The following KIAA1191 variants were observed in gnomAD, a reference collection of about 807,000 sequenced individuals.
KIAA1191 encodes KIAA1191.
Under a neutral mutation model 31.1 loss-of-function variants are expected in KIAA1191, and 22 were observed. The observed-to-expected ratio is 0.71, with a 90% CI of 0.51 to 1.01. The LOEUF is 1.01. KIAA1191 is among the 50% of genes least tolerant of loss of function. The pLI, the probability that KIAA1191 is intolerant of heterozygous loss-of-function variation, is 0.00. For missense variants in KIAA1191, 319 were observed against 388.0 expected (o/e 0.82, Z 1.49); for synonymous variants, 130 against 143.9 (o/e 0.90, Z 0.69).
Position 176,346,623 on chromosome 5 carries a change from A to G in KIAA1191, c.*977T>C, listed in dbSNP as rs1766528457. ...TTTAAAGTGCAAGAAAGGCTCTGCT[A>G]GAGTAGTGTTTGTTCTGTGGCATAG... On this transcript the variant is annotated 3_prime_UTR_variant, in exon 9 of 9. Coordinates refer to ENST00000298569, the MANE Select transcript of KIAA1191 (RefSeq NM_020444.5). 6.6e-6 allele frequency: 1 copy of G among 152,286 alleles called. No individual in the cohort carries two copies. Among genetic ancestry groups the G allele is most frequent in the South Asian group, 2.1e-4 (1 of 4,836 alleles). The allele number at this position is 152,286 out of a possible 1,614,324, so 9.4% of individuals were successfully genotyped here.
chr5:176,353,188 G>A (rs1767193437), intron 4 of KIAA1191: 1 of 154,326 alleles, frequency 6.5e-6, no homozygotes, highest in Non-Finnish European at 1.4e-5. Context: ...CCACCTCAGA[G>A]TTTGATTCAG....
intron 3 of KIAA1191, among the ~76,000 whole-genome samples, chr5:176,357,475 TC>T (rs151164915): frequency 0.021 from 3,199 of 152,310 alleles, 48 homozygotes; most frequent in Middle Eastern, 0.068. Context: ...TAAGTCTTCC[TC>T]CTTGCTAGAC....
intron 6 of KIAA1191, chr5:176,349,065 T>C (rs1766768321): frequency 1.3e-5 from 2 of 152,304 alleles, no homozygotes; most frequent in Admixed American, 1.3e-4. Flanking sequence ...AACAGATCCA[T>C]TCATGTAAGT....
At position 176,346,876 on chromosome 5, in the gene KIAA1191, AGTC is replaced by A. The variant is rs996375322; in HGVS notation, c.*721_*723del. Reference sequence around the variant, plus strand: ...CAGCACCAGTCATCAACAGGGCCAAAGTCGTCTTAGCGAGTCAGTGAGCACCTC... The same window carrying A: ...CAGCACCAGTCATCAACAGGGCCAAAGTCTTAGCGAGTCAGTGAGCACCTC... On this transcript the variant is annotated 3_prime_UTR_variant, in exon 9 of 9. Transcript: ENST00000298569. 3.5e-4 allele frequency: 53 copies of A among 152,348 alleles called. No individual in the cohort carries two copies. The highest frequency in any genetic ancestry group is 1.2e-3 in the African/African-American group (49 of 41,584). 9.4% of individuals were successfully genotyped at this position (152,348 alleles called of 1,614,324 possible).
intron 6 of KIAA1191, 81 bp from the exon 7 acceptor site, chr5:176,348,437 G>A (rs1469068700): frequency 5.8e-6 from 6 of 1,031,540 alleles, no homozygotes; most frequent in Non-Finnish European, 7.3e-6. Flanking sequence ...AAAAAATTTG[G>A]TTCGCATTCT....
chr5:176,350,848 A>G (rs1054576858), intron 5 of KIAA1191, 111 bp from the exon 6 acceptor site: 1 of 1,334,698 alleles, frequency 7.5e-7, no homozygotes, highest in Non-Finnish European at 1.0e-6. Context: ...CACACTGACC[A>G]TTCAAAGAAG....
At chr5:176,351,196 C>T (rs946029515) in intron 5 of KIAA1191, among the ~76,000 whole-genome samples, 1 of 151,638 alleles carries the variant, frequency 6.6e-6, no homozygotes, top group African/African-American at 2.4e-5. Context: ...CAAAAATTAG[C>T]TGGGTGTGGT....
At chr5:176,351,336 A>G (rs1412972017) in intron 5 of KIAA1191, among the ~76,000 whole-genome samples, 4 of 150,486 alleles carry the variant, frequency 2.7e-5, no homozygotes, top group East Asian at 2.0e-4. Flanking sequence ...GCAAGACTCC[A>G]TCTCAAAAAA....
intron 4 of KIAA1191, 96 bp from the exon 5 acceptor site, chr5:176,352,844 A>G: frequency 1.5e-6 from 2 of 1,307,206 alleles, no homozygotes; most frequent in South Asian, 3.1e-5. Context: ...CTGAAATAAC[A>G]TTAATCTGGT....
At chr5:176,359,960 G>A (rs548387107) in intron 1 of KIAA1191, 42 bp from the exon 2 acceptor site, 5 of 165,766 alleles carry the variant, frequency 3.0e-5, no homozygotes, top group African/African-American at 9.5e-5. Flanking sequence ...GCCCGTCAGA[G>A]TCTGCCAAAC....
In KIAA1191 at chr5:176,347,740, C is replaced by T; in HGVS notation, c.778G>A (p.Ala260Thr). 6.2e-7 allele frequency: 1 copy of T among 1,610,394 alleles called. No individual in the cohort carries two copies. The highest frequency in any genetic ancestry group is 8.5e-7 in the Non-Finnish European group (1 of 1,178,476). The change falls in exon 9 of 9, where the codon GCC (alanine) becomes ACC (threonine). Residue 260 changes from alanine (A) to threonine (T), a missense_variant. Coordinates refer to ENST00000298569, the MANE Select transcript of KIAA1191 (RefSeq NM_020444.5). ...PSPLELIRAQ[A>T]NRMAEDPAAL... ...GCTGGATCTTCAGCCATTCGGTTGG[C>T]CTGGGCACGTATCAGTTCCAATGGA...
intron 3 of KIAA1191, among the ~76,000 whole-genome samples, chr5:176,358,115 T>A (rs1767659494): frequency 6.6e-6 from 1 of 152,238 alleles, no homozygotes; most frequent in Admixed American, 6.5e-5. Context: ...TAGTCATCAA[T>A]GGTGTCAATA....
chr5:176,355,587 T>C lies in KIAA1191; in HGVS notation c.191A>G (p.Tyr64Cys), dbSNP rs773254769. 1.9e-6 allele frequency: 3 copies of C among 1,610,910 alleles called. No homozygotes were observed. In the South Asian group the frequency reaches 3.3e-5, roughly 18 times the overall value. ...PWKPVIPERK[Y>C]QHLAKVEEGE... ...GTCAGATACCTTGGCGAGGTGCTGATACTTGCGCTCTGGAATCACTGGCTT... is the reference window on the plus strand; with the variant it reads ...GTCAGATACCTTGGCGAGGTGCTGACACTTGCGCTCTGGAATCACTGGCTT... Residue 64 changes from tyrosine (Y) to cysteine (C), a missense_variant, in exon 4 of 9, where the codon TAT (tyrosine) becomes TGT (cysteine). By Grantham distance (194) the Tyr-to-Cys change is radical. Transcript: ENST00000298569. This position sits in a 1 kb window ranked among gnomAD's most constrained non-coding sequence, Gnocchi z 4.2.
chr5:176,359,423 C>G, intron 3 of KIAA1191, 58 bp downstream of exon 3: 1 of 1,527,268 alleles, frequency 6.5e-7, no homozygotes, highest in Non-Finnish European at 9.1e-7. Flanking sequence ...TGGTTTCTGT[C>G]TAGCTTAAAA....
chr5:176,356,904 C>T (rs1383855988), intron 3 of KIAA1191, among the ~76,000 whole-genome samples: 1 of 152,122 alleles, frequency 6.6e-6, no homozygotes, highest in Non-Finnish European at 1.5e-5. Flanking sequence ...TAATAATTAA[C>T]AAAACCATAG....
At chr5:176,353,828 G>A (rs949156424) in intron 4 of KIAA1191, among the ~76,000 whole-genome samples, 1 of 152,192 alleles carries the variant, frequency 6.6e-6, no homozygotes, top group African/African-American at 2.4e-5. Flanking sequence ...CAGAAGCCCT[G>A]CTCACCTCCT....
At position 176,355,595 on chromosome 5, in the gene KIAA1191, C is replaced by T. The variant is rs1767442493; in HGVS notation, c.183G>A (p.Glu61=). The T allele has an allele frequency of 1.9e-6, 3 of 1,611,424 alleles. No individual in the cohort carries two copies. The highest frequency in any genetic ancestry group is 2.2e-4 in the Middle Eastern group (1 of 4,540). ...CCTTGGCGAGGTGCTGATACTTGCG[C>T]TCTGGAATCACTGGCTTCCAAGGGA... ...GSVPWKPVIP[E]RKYQHLAKVE... is the part of the protein sequence containing the mutation. The change falls in exon 4 of 9, where the codon GAG becomes GAA. Residue 61 remains glutamate, a synonymous_variant. Transcript: ENST00000298569. The surrounding 1 kb of genome is among the most constrained non-coding windows in gnomAD (Gnocchi z 4.2).
At position 176,348,114 on chromosome 5, in the gene KIAA1191, T is replaced by C. The variant is rs768949323; in HGVS notation, c.567-51A>G. On this transcript the variant is annotated intron_variant, in intron 7 of 8. Transcript: ENST00000298569. ...CCTAAAATACCTCTTCCTTCGCCCC[T>C]AGAAATGTCTCACACCAAAAGAACA... is the stretch of plus-strand genomic sequence containing the variant. 6 of 1,607,144 alleles carry C rather than the reference T, an allele frequency of 3.7e-6. No individual in the cohort carries two copies. In the African/African-American group the frequency reaches 6.7e-5, roughly 18 times the overall value.
chr5:176,347,972 A>C lies in KIAA1191; in HGVS notation c.658T>G (p.Ser220Ala). The change falls in exon 8 of 9, where the codon TCA (serine) becomes GCA (alanine). Residue 220 changes from serine to alanine, a missense_variant. Transcript: ENST00000298569. ...GGTCCAAAGAGGCTCCACTTATCTG[A>C]CAAGTTTCTGTCCTTATCCCCACTT... ...SGSGDKDRNL[S>A]DKWSLFGPRS... 6.2e-7 allele frequency: 1 copy of C among 1,614,188 alleles called. No individual in the cohort carries two copies. Among genetic ancestry groups the C allele is most frequent in the Non-Finnish European group, 8.5e-7 (1 of 1,180,042 alleles).
Sources: gnomAD v4.1 joint callset for allele counts (sites outside exome capture counted in the v4.1 genomes callset) on GRCh38, gnomAD v4.1.1 for gene constraint, Gnocchi (gnomAD v3.1) non-coding constraint, MANE v1.5 for transcripts, NCBI Gene and HGNC (gene_info 2026-07-23, HGNC 2026-07-21) for gene names.